Variants in RPGRIP1L observed in about 807,000 individuals in gnomAD.
The protein encoded by RPGRIP1L is protein fantom.
Under a neutral mutation model 160.4 loss-of-function variants are expected in RPGRIP1L, and 131 were observed. The ratio of observed to expected loss-of-function variants is 0.82; its 90% CI spans 0.71 to 0.94. RPGRIP1L has a LOEUF of 0.94. Ranked by LOEUF, RPGRIP1L falls within the 40% of genes least tolerant of loss-of-function variation. The pLI is 0.00. For missense variants in RPGRIP1L, 1,522 were observed against 1,535.8 expected (o/e 0.99, Z 0.15); for synonymous variants, 510 against 515.8 (o/e 0.99, Z 0.15).
At chr16:53,623,923 G>C (rs1964902792) in intron 22 of RPGRIP1L, among the ~76,000 whole-genome samples, 1 of 151,990 alleles carries the variant, frequency 6.6e-6, no homozygotes, top group Non-Finnish European at 1.5e-5. Context: ...TCAGGTTCTT[G>C]CTTTGTTGTC....
chr16:53,643,699 C>A (rs773244487), intron 17 of RPGRIP1L, among the ~76,000 whole-genome samples: 27 of 152,302 alleles, frequency 1.8e-4, no homozygotes, highest in Middle Eastern at 3.4e-3. Context: ...TGGCTATACA[C>A]AGCAGAGGAA....
intron 9 of RPGRIP1L, among the ~76,000 whole-genome samples, chr16:53,671,269 T>C (rs1000347369): frequency 1.3e-5 from 2 of 152,212 alleles, no homozygotes; most frequent in Non-Finnish European, 2.9e-5. Context: ...CAATAAATGA[T>C]AGCAGTTTAC....
chr16:53,656,583 C>G lies in RPGRIP1L; in HGVS notation c.1588G>C (p.Val530Leu). 1 of 1,603,862 alleles carries G rather than the reference C, an allele frequency of 6.2e-7. No individual in the cohort carries two copies. Among genetic ancestry groups the G allele is most frequent in the Non-Finnish European group, 8.5e-7 (1 of 1,170,666 alleles). ...HKINKDYQMEVEAVTRKMENL... is the reference protein window; with the variant it reads ...HKINKDYQMELEAVTRKMENL... The stretch of plus-strand genomic sequence containing the variant: ...TCCATCTTACGGGTCACTGCCTCAA[C>G]CTCCATCTACAAAATAAGGGAAAAT... The change falls in exon 14 of 27, where the codon GTT (valine) becomes CTT (leucine). Residue 530 changes from valine to leucine, a missense_variant. Coordinates refer to ENST00000647211, the MANE Select transcript of RPGRIP1L (RefSeq NM_015272.5).
chr16:53,617,073 C>CAAAAAAAAAAAAAAAAAAAAAAAAAAA (rs397945611), intron 24 of RPGRIP1L, among the ~76,000 whole-genome samples: 10 of 21,848 alleles, frequency 4.6e-4, no homozygotes, highest in Non-Finnish European at 4.9e-4. Context: ...CCTTGCATCA[C>CAAAAAAAAAAAAAAAAAAAAAAAAAAA]AAAAAAAAAA....
intron 22 of RPGRIP1L, among the ~76,000 whole-genome samples, chr16:53,629,997 GT>G (rs1215958743): frequency 6.6e-6 from 1 of 152,098 alleles, no homozygotes; most frequent in Non-Finnish European, 1.5e-5. Context: ...TAAATGTCAT[GT>G]CTGTATGTGC....
chr16:53,684,102 G>A (rs1231317264), intron 6 of RPGRIP1L, among the ~76,000 whole-genome samples: 1 of 152,166 alleles, frequency 6.6e-6, no homozygotes, highest in African/African-American at 2.4e-5. Context: ...AACAGATGCT[G>A]GAGAGGATGT....
rs138669723 is a variant in RPGRIP1L, at chr16:53,652,716, G to C, written c.1971C>G (p.Phe657Leu). The change falls in exon 15 of 27, where the codon TTC becomes TTG. Residue 657 changes from phenylalanine (F) to leucine (L), a missense_variant. By Grantham distance (22) the Phe-to-Leu change is conservative (BLOSUM62 0). Transcript: ENST00000647211. ...VVRGLHPEYNFTSQYLVHVND... is the reference protein window; with the variant it reads ...VVRGLHPEYNLTSQYLVHVND... ...TAACATGAACAAGATATTGAGAAGT[G>C]AAGTTATATTCGGGATGAAGGCCTC... is the stretch of plus-strand genomic sequence containing the variant. 1.9e-6 allele frequency: 3 copies of C among 1,614,158 alleles called. No homozygotes were observed. The East Asian group carries it at 6.7e-5, about 36-fold the overall frequency.
chr16:53,640,969 C>T, intron 19 of RPGRIP1L, 64 bp downstream of exon 19: 1 of 1,101,916 alleles, frequency 9.1e-7, no homozygotes, highest in Non-Finnish European at 1.4e-6. Context: ...GAATAATATG[C>T]CTATATAATT....
rs750182396 is a variant in RPGRIP1L at position 53,645,669 on chromosome 16, A to G, written c.2639T>C (p.Val880Ala). The G allele has an allele frequency of 6.2e-7, 1 of 1,614,012 alleles. No individual in the cohort carries two copies. Among genetic ancestry groups the G allele is most frequent in the Non-Finnish European group, 8.5e-7 (1 of 1,179,966 alleles). ...DTQENIYIGK[V>A]NVPLISLAHD... ...TGCCAACGAAATCAGAGGCACATTG[A>G]CTTTTCCTATGTAAATATTCTCCTG... Residue 880 changes from valine (V) to alanine (A), a missense_variant, in exon 17 of 27, where the codon GTC becomes GCC. By Grantham distance (64) the Val-to-Ala change is moderately conservative (BLOSUM62 0). Coordinates refer to ENST00000647211, the MANE Select transcript of RPGRIP1L (RefSeq NM_015272.5).
chr16:53,692,014 T>G (rs1359247178), intron 4 of RPGRIP1L, 52 bp downstream of exon 4: 1 of 1,560,930 alleles, frequency 6.4e-7, no homozygotes, highest in Non-Finnish European at 8.8e-7. Context: ...TTTTTTTGTG[T>G]TAAACAATCT....
chr16:53,613,055 G>C (rs1964153744), intron 24 of RPGRIP1L, among the ~76,000 whole-genome samples: 1 of 152,130 alleles, frequency 6.6e-6, no homozygotes, highest in South Asian at 2.1e-4. Context: ...GTGTTCTCAA[G>C]ATTCATACAT....
intron 2 of RPGRIP1L, among the ~76,000 whole-genome samples, chr16:53,696,584 G>C (rs1970776304): frequency 6.6e-6 from 1 of 152,162 alleles, no homozygotes; most frequent in Admixed American, 6.5e-5. Context: ...ATGGAATTCT[G>C]ATTCAATAAA....
intron 13 of RPGRIP1L, 84 bp from the exon 14 acceptor site, chr16:53,656,673 C>G (rs552920432): frequency 9.8e-7 from 1 of 1,019,342 alleles, no homozygotes; most frequent in South Asian, 1.3e-5. Context: ...CAAGCATTTT[C>G]TAGATCCTGG....
intron 7 of RPGRIP1L, 55 bp downstream of exon 7, chr16:53,674,962 C>A: frequency 8.2e-7 from 1 of 1,215,356 alleles, no homozygotes. Context: ...TTGAATACTA[C>A]TTTTGAATCC....
intron 10 of RPGRIP1L, chr16:53,659,262 T>G (rs1019672024): frequency 1.1e-5 from 9 of 825,982 alleles, no homozygotes; most frequent in African/African-American, 1.9e-5. Context: ...GTCTTTTAGT[T>G]TTTTAATTGA....
chr16:53,605,166 C>CTG (rs1206344053), intron 26 of RPGRIP1L, among the ~76,000 whole-genome samples: 1 of 151,584 alleles, frequency 6.6e-6, no homozygotes, highest in East Asian at 1.9e-4. Context: ...GAGCAAAACT[C>CTG]TGTCTCAGAA....
chr16:53,622,295 C>T lies in RPGRIP1L; in HGVS notation c.3356G>A (p.Arg1119His), dbSNP rs1207253947. The change falls in exon 23 of 27, where the codon CGC (arginine) becomes CAC (histidine). Residue 1119 changes from arginine to histidine, a missense_variant. Coordinates refer to ENST00000647211, the MANE Select transcript of RPGRIP1L (RefSeq NM_015272.5). ...AGGAAAATCGCTGGAACCCGGGAGG[C>T]GGAAGTTGCAGTGAGCTGAGATCGC... Reference protein sequence around the residue: ...SSAISAHCNFRLPGSSDFPAS... With the variant: ...SSAISAHCNFHLPGSSDFPAS... 7.7e-6 allele frequency: 5 copies of T among 650,684 alleles called. No individual in the cohort carries two copies. Among genetic ancestry groups the T allele is most frequent in the Middle Eastern group, 3.9e-4 (1 of 2,580 alleles). 40.3% of individuals were successfully genotyped at this position (650,684 alleles called of 1,614,324 possible).
rs1329201140 is a variant in RPGRIP1L, at chr16:53,619,025, C to T, written c.3616G>A (p.Val1206Met). 1.1e-5 allele frequency: 17 copies of T among 1,608,180 alleles called. No individual in the cohort carries two copies. The highest frequency in any genetic ancestry group is 1.4e-5 in the Non-Finnish European group (16 of 1,174,768). ...GQWVYYNYSN[V>M]IYVDKENNKA... ...TATATTACAAATGAATCATACATAC[C>T]ATTGCTATAGTTATAGTAGACCCAC... is the stretch of plus-strand genomic sequence containing the variant. The change falls in exon 24 of 27, where the codon GTG becomes ATG. Residue 1206 changes from valine (V) to methionine (M), a missense_variant and splice_region_variant. Val to Met is a conservative substitution (Grantham distance 21, BLOSUM62 1). Coordinates refer to ENST00000647211, the MANE Select transcript of RPGRIP1L (RefSeq NM_015272.5).
intron 22 of RPGRIP1L, 30 bp downstream of exon 22, chr16:53,636,409 A>C (rs766996294): frequency 6.8e-7 from 1 of 1,467,874 alleles, no homozygotes. Context: ...CTTATTTCAG[A>C]ACATTTCTAG....
Sources: gnomAD v4.1 joint callset for allele counts (sites outside exome capture counted in the v4.1 genomes callset) on GRCh38, gnomAD v4.1.1 for gene constraint, MANE v1.5 for transcripts, NCBI Gene and HGNC (gene_info 2026-07-23, HGNC 2026-07-21) for gene names.